The following HOOK3 variants were observed in gnomAD, a reference collection of about 807,000 sequenced individuals.
HOOK3 encodes the protein protein Hook homolog 3.
HOOK3 carries 24 observed loss-of-function variants against 116.3 expected under a neutral mutation model. The ratio of observed to expected loss-of-function variants is 0.21; its 90% CI spans 0.15 to 0.29. The LOEUF is 0.29. HOOK3 is among the 10% of genes least tolerant of loss of function. The pLI is 1.00. For synonymous variants in HOOK3, 275 were observed against 283.0 expected, an observed-to-expected ratio of 0.97 and a Z score of 0.28; for missense variants, 632 against 830.2, an observed-to-expected ratio of 0.76 and a Z score of 2.93.
intron 8 of HOOK3, among the ~76,000 whole-genome samples, chr8:42,962,429 TAG>T (rs1808551399): frequency 7.0e-6 from 1 of 142,102 alleles, no homozygotes; most frequent in Admixed American, 7.2e-5. Flanking sequence ...TTTTTTGAAA[TAG>T]AGTCTTGCTT....
chr8:42,917,991 T>C (rs2130344007), intron 2 of HOOK3, among the ~76,000 whole-genome samples: 1 of 152,352 alleles, frequency 6.6e-6, no homozygotes, highest in South Asian at 2.1e-4. Context: ...TCAATGTATC[T>C]GTAAAAAACA....
intron 2 of HOOK3, among the ~76,000 whole-genome samples, chr8:42,923,540 C>T (rs1189928740): frequency 1.3e-5 from 2 of 152,102 alleles, no homozygotes; most frequent in Non-Finnish European, 2.9e-5. Context: ...AAAAAACATG[C>T]TAATTGAAAG....
In HOOK3 at chr8:43,019,277, C is replaced by A. The variant is rs1228757209; in HGVS notation, c.*779C>A. ...TTAGACACTGCATTAATTTCTTGTTCTTTTGGAATATCTTAGTAACTGAGG... is the reference window on the plus strand; with the variant it reads ...TTAGACACTGCATTAATTTCTTGTTATTTTGGAATATCTTAGTAACTGAGG... On this transcript the variant is annotated 3_prime_UTR_variant, in exon 22 of 22. Coordinates refer to ENST00000307602, the MANE Select transcript of HOOK3 (RefSeq NM_032410.4). 2 of 213,418 alleles carry A rather than the reference C, an allele frequency of 9.4e-6. No individual in the cohort carries two copies. The highest frequency in any genetic ancestry group is 1.9e-5 in the Non-Finnish European group (2 of 105,870). The allele number at this position is 213,418 out of a possible 1,614,324, so 13.2% of individuals were successfully genotyped here. A position where few individuals can be genotyped will look rare whatever the true frequency, so the allele number is the denominator to read the frequency against.
In HOOK3 at chr8:43,023,387, C is replaced by CTCCTTCCTTCCTTCCT. The variant is rs146546928; in HGVS notation, c.*4909_*4924dup. On this transcript the variant is annotated 3_prime_UTR_variant, in exon 22 of 22. Coordinates refer to ENST00000307602, the MANE Select transcript of HOOK3 (RefSeq NM_032410.4). The stretch of plus-strand genomic sequence containing the variant: ...CCACTTTGCTATCTCTCCTTCCTTC[C>CTCCTTCCTTCCTTCCT]TCCTTCCTTCCTTCCTTCCTTCCTT... 5.9e-4 allele frequency: 87 copies of CTCCTTCCTTCCTTCCT among 146,272 alleles called. No individual in the cohort carries two copies. Among genetic ancestry groups the CTCCTTCCTTCCTTCCT allele is most frequent in the Admixed American group, 1.3e-3 (18 of 13,776 alleles). 9.1% of individuals were successfully genotyped at this position (146,272 alleles called of 1,614,324 possible). A position where few individuals can be genotyped will look rare whatever the true frequency, so the allele number is the denominator to read the frequency against.
At chr8:42,941,110 C>G (rs1359809450) in intron 4 of HOOK3, among the ~76,000 whole-genome samples, 1 of 151,802 alleles carries the variant, frequency 6.6e-6, no homozygotes, top group African/African-American at 2.4e-5. Flanking sequence ...CCACACCCAG[C>G]TAATTTTTGT....
At chr8:42,905,814 G>A (rs888625663) in intron 1 of HOOK3, among the ~76,000 whole-genome samples, 5 of 150,974 alleles carry the variant, frequency 3.3e-5, no homozygotes, top group East Asian at 3.9e-4. Context: ...AGCCAGGTGC[G>A]GTGGCTCACA....
chr8:42,929,107 A>G (rs1404975100), intron 3 of HOOK3, among the ~76,000 whole-genome samples: 1 of 152,212 alleles, frequency 6.6e-6, no homozygotes, highest in East Asian at 1.9e-4. Flanking sequence ...TTAAAAAACT[A>G]CCATTTTAAA....
chr8:42,955,403 C>T (rs756408573), intron 6 of HOOK3, among the ~76,000 whole-genome samples: 38 of 151,984 alleles, frequency 2.5e-4, no homozygotes, highest in Non-Finnish European at 5.1e-4. Flanking sequence ...GTATAGGTAG[C>T]ATATAGGCAG....
chr8:43,001,378 G>A (rs1809377760), intron 16 of HOOK3, among the ~76,000 whole-genome samples: 1 of 151,778 alleles, frequency 6.6e-6, no homozygotes, highest in Non-Finnish European at 1.5e-5. Flanking sequence ...ATATTAATTG[G>A]GTTTTGACTG....
At chr8:42,908,860 G>A (rs986364355) in intron 2 of HOOK3, among the ~76,000 whole-genome samples, 2 of 152,164 alleles carry the variant, frequency 1.3e-5, no homozygotes, top group Non-Finnish European at 2.9e-5. Context: ...ACAAGCAACA[G>A]AGTAAAGAGA....
chr8:42,919,044 G>A (rs1459872238), intron 2 of HOOK3, among the ~76,000 whole-genome samples: 2 of 148,444 alleles, frequency 1.3e-5, no homozygotes, highest in African/African-American at 5.0e-5. Flanking sequence ...GCCGGGCGGG[G>A]GCTGCCCCCC....
chr8:42,941,512 C>T (rs565995738), intron 4 of HOOK3, among the ~76,000 whole-genome samples: 155 of 125,076 alleles, frequency 1.2e-3, no homozygotes, highest in African/African-American at 4.4e-3. Flanking sequence ...AGCGAGACTC[C>T]GTCTCAAAAA....
chr8:42,955,513 A>C lies in HOOK3; in HGVS notation c.469-1581A>C, dbSNP rs74497776. Among the ~76,000 whole-genome samples, 658 of 152,338 alleles carry C rather than the reference A, an allele frequency of 4.3e-3. 4 individuals are homozygous for C. Among genetic ancestry groups the C allele is most frequent in the Non-Finnish European group, 5.4e-3 (369 of 68,034 alleles). On this transcript the variant is annotated intron_variant, in intron 6 of 21. Coordinates refer to ENST00000307602, the MANE Select transcript of HOOK3 (RefSeq NM_032410.4). ...TGACAAAAGTCATAGAAAGACATGAAATCTAGAGAAAATAATTGATTAAAC... is the reference window on the plus strand; with the variant it reads ...TGACAAAAGTCATAGAAAGACATGACATCTAGAGAAAATAATTGATTAAAC...
chr8:42,931,317 G>C (rs996491578), intron 4 of HOOK3, among the ~76,000 whole-genome samples: 2 of 151,422 alleles, frequency 1.3e-5, no homozygotes, highest in African/African-American at 4.9e-5. Context: ...CCATTATTCA[G>C]TCACATCACC....
intron 13 of HOOK3, among the ~76,000 whole-genome samples, chr8:42,979,545 T>G (rs949592432): frequency 4.6e-5 from 7 of 152,188 alleles, no homozygotes; most frequent in Non-Finnish European, 7.4e-5. Context: ...GCTTTTCAGT[T>G]ACCTGAAACT....
intron 16 of HOOK3, among the ~76,000 whole-genome samples, chr8:43,001,335 T>G (rs1213019849): frequency 6.6e-6 from 1 of 152,172 alleles, no homozygotes; most frequent in Non-Finnish European, 1.5e-5. Flanking sequence ...CCCTTATCAC[T>G]GGCATTGATT....
intron 8 of HOOK3, among the ~76,000 whole-genome samples, chr8:42,959,562 A>G (rs1046845036): frequency 2.6e-5 from 4 of 151,852 alleles, no homozygotes; most frequent in African/African-American, 9.7e-5. Context: ...CTACTAAAAT[A>G]CAAAAAATTA....
At chr8:42,937,927 C>CA (rs1338936428) in intron 4 of HOOK3, among the ~76,000 whole-genome samples, 2 of 152,146 alleles carry the variant, frequency 1.3e-5, no homozygotes, top group Admixed American at 6.5e-5. Context: ...GAGCTGAGTT[C>CA]AAGTCCTGAA....
At position 43,020,838 on chromosome 8, in the gene HOOK3, C is replaced by T. The variant is rs182232836; in HGVS notation, c.*2340C>T. On this transcript the variant is annotated 3_prime_UTR_variant, in exon 22 of 22. Transcript: ENST00000307602. ...AACAACAGCCAGGTGCAGTGGCTCA[C>T]GCGTATAATCCCAGCACTTTGGGAG... The T allele has an allele frequency of 1.0e-4, 19 of 184,004 alleles. No individual in the cohort carries two copies. Among genetic ancestry groups the T allele is most frequent in the South Asian group, 2.0e-4 (1 of 5,076 alleles). 11.4% of individuals were successfully genotyped at this position (184,004 alleles called of 1,614,324 possible). A position where few individuals can be genotyped will look rare whatever the true frequency, so the allele number is the denominator to read the frequency against.
Sources: gnomAD v4.1 joint callset for allele counts (sites outside exome capture counted in the v4.1 genomes callset) on GRCh38, gnomAD v4.1.1 for gene constraint, MANE v1.5 for transcripts, NCBI Gene and HGNC (gene_info 2026-07-23, HGNC 2026-07-21) for gene names.